Variants in MDGA2 observed in about 807,000 individuals in gnomAD.
The protein encoded by MDGA2 is MAM domain containing glycosylphosphatidylinositol anchor 2.
Under a neutral mutation model 117.8 loss-of-function variants are expected in MDGA2, and 40 were observed. That is an observed-to-expected ratio of 0.34 (90% confidence interval 0.26 to 0.44). MDGA2 has a LOEUF of 0.44. MDGA2 is among the 20% of genes least tolerant of loss of function. The pLI is 1.00. For synonymous variants in MDGA2, 452 were observed against 439.0 expected, an observed-to-expected ratio of 1.03 and a Z score of -0.37; for missense variants, 1,123 against 1,250.6, an observed-to-expected ratio of 0.90 and a Z score of 1.54.
chr14:47,367,001 C>G (rs61993128), intron 1 of MDGA2, among the ~76,000 whole-genome samples: 1,663 of 151,974 alleles, frequency 0.011, 24 homozygotes, highest in Middle Eastern at 0.027. Flanking sequence ...ATTGTTAGAA[C>G]TAATAATGTG....
At chr14:47,163,067 T>A (rs1883708827) in intron 3 of MDGA2, among the ~76,000 whole-genome samples, 2 of 152,208 alleles carry the variant, frequency 1.3e-5, no homozygotes, top group African/African-American at 4.8e-5. Context: ...ACACTATTGA[T>A]AGGTTATTCT....
chr14:47,212,849 T>C (rs925781600), intron 3 of MDGA2, among the ~76,000 whole-genome samples: 2 of 152,198 alleles, frequency 1.3e-5, no homozygotes, highest in Non-Finnish European at 2.9e-5. Flanking sequence ...TGTATCCACC[T>C]ATCATTACCA....
At chr14:47,453,222 A>C (rs1043480662) in intron 1 of MDGA2, among the ~76,000 whole-genome samples, 3 of 152,196 alleles carry the variant, frequency 2.0e-5, no homozygotes, top group Non-Finnish European at 4.4e-5. Flanking sequence ...AGTATGATCA[A>C]CTGATGATTA....
chr14:46,940,354 C>A (rs1325426180), intron 9 of MDGA2, among the ~76,000 whole-genome samples: 1 of 152,090 alleles, frequency 6.6e-6, no homozygotes, highest in Non-Finnish European at 1.5e-5. Flanking sequence ...TCCGGCCAGG[C>A]GCGGTGGCTC....
At chr14:47,509,410 G>A (rs552794170) in intron 1 of MDGA2, among the ~76,000 whole-genome samples, 1 of 152,264 alleles carries the variant, frequency 6.6e-6, no homozygotes, top group Middle Eastern at 3.4e-3. Flanking sequence ...AGCACAGAAG[G>A]GGGAAGTGTG....
intron 1 of MDGA2, among the ~76,000 whole-genome samples, chr14:47,602,423 C>G (rs1282841515): frequency 6.6e-6 from 1 of 151,900 alleles, no homozygotes; most frequent in Admixed American, 6.6e-5. Flanking sequence ...AATAATTCAA[C>G]TTTATTTTAC....
chr14:47,644,384 TAAG>T (rs913374928), intron 1 of MDGA2, among the ~76,000 whole-genome samples: 10 of 152,140 alleles, frequency 6.6e-5, no homozygotes, highest in African/African-American at 2.4e-4. Flanking sequence ...ATCTTAATCA[TAAG>T]AAAAGATTAC....
chr14:47,651,410 T>A (rs561296006), intron 1 of MDGA2, among the ~76,000 whole-genome samples: 1 of 152,228 alleles, frequency 6.6e-6, no homozygotes, highest in South Asian at 2.1e-4. Context: ...AAAATCACTG[T>A]ATCTCCACCA....
intron 3 of MDGA2, chr14:47,200,823 C>T: frequency 2.5e-6 from 2 of 799,500 alleles, no homozygotes; most frequent in East Asian, 2.5e-5. Context: ...TTCAGGGCAG[C>T]AGGAGCCACC....
At chr14:47,446,267 G>A (rs1016665717) in intron 1 of MDGA2, among the ~76,000 whole-genome samples, 2 of 152,004 alleles carry the variant, frequency 1.3e-5, no homozygotes, top group Non-Finnish European at 2.9e-5. Flanking sequence ...AAGAAGCAGG[G>A]GAAAATGTTA....
At chr14:47,106,589 C>G (rs1430540374) in intron 5 of MDGA2, among the ~76,000 whole-genome samples, 1 of 152,076 alleles carries the variant, frequency 6.6e-6, no homozygotes, top group African/African-American at 2.4e-5. Context: ...CCCAGAGCCC[C>G]TGGAACTTTG....
At chr14:46,918,811 GA>G (rs1228586668) in intron 10 of MDGA2, among the ~76,000 whole-genome samples, 1 of 142,188 alleles carries the variant, frequency 7.0e-6, no homozygotes, top group Admixed American at 7.0e-5. Context: ...CCCAGAGCTG[GA>G]GTGCAGTGGC....
chr14:47,072,083 T>C (rs181985880), intron 6 of MDGA2, among the ~76,000 whole-genome samples: 77 of 125,082 alleles, frequency 6.2e-4, no homozygotes, highest in African/African-American at 2.3e-3. Context: ...CCCAGGAAGT[T>C]TGTTGGTTGT....
chr14:47,283,045 GTCA>G (rs545115694), intron 2 of MDGA2, among the ~76,000 whole-genome samples: 99 of 152,330 alleles, frequency 6.5e-4, no homozygotes, highest in African/African-American at 2.3e-3. Context: ...TAGTGATGAA[GTCA>G]TCACATATCA....
intron 1 of MDGA2, among the ~76,000 whole-genome samples, chr14:47,484,947 G>A (rs184719560): frequency 6.6e-6 from 1 of 152,026 alleles, no homozygotes; most frequent in East Asian, 1.9e-4. Context: ...TTTGCAAATT[G>A]CTCGGCCTCA....
intron 1 of MDGA2, among the ~76,000 whole-genome samples, chr14:47,472,393 C>T (rs1893746600): frequency 6.6e-6 from 1 of 152,132 alleles, no homozygotes; most frequent in Non-Finnish European, 1.5e-5. Context: ...CAAATCTGTG[C>T]AGCAAGTTAC....
intron 1 of MDGA2, among the ~76,000 whole-genome samples, chr14:47,436,775 C>A (rs1158915788): frequency 6.6e-6 from 1 of 152,102 alleles, no homozygotes; most frequent in Non-Finnish European, 1.5e-5. Context: ...CCACAGGCAG[C>A]CCAGTGGCCA....
chr14:47,454,043 T>G (rs1893294664), intron 1 of MDGA2, among the ~76,000 whole-genome samples: 1 of 152,234 alleles, frequency 6.6e-6, no homozygotes. Flanking sequence ...ATACATTACT[T>G]TGAAATCTTT....
At chr14:47,009,804 T>C in intron 8 of MDGA2, among the ~76,000 whole-genome samples, 1 of 152,012 alleles carries the variant, frequency 6.6e-6, no homozygotes, top group East Asian at 1.9e-4. Flanking sequence ...CACTTTAGCA[T>C]TCCGTAACTT....
Sources: gnomAD v4.1 joint callset for allele counts (sites outside exome capture counted in the v4.1 genomes callset) on GRCh38, gnomAD v4.1.1 for gene constraint, MANE v1.5 for transcripts, NCBI Gene and HGNC (gene_info 2026-07-23, HGNC 2026-07-21) for gene names.